Variants in FRAS1 observed in about 807,000 individuals in gnomAD.
The protein encoded by FRAS1 is extracellular matrix organizing protein FRAS1.
FRAS1 carries 290 observed loss-of-function variants against 435.2 expected under a neutral mutation model. The ratio of observed to expected loss-of-function variants is 0.67; its 90% CI spans 0.61 to 0.73. The LOEUF (loss-of-function observed/expected upper bound fraction) is 0.73. Among genes scored for constraint, FRAS1 ranks in the 30% least tolerant of loss-of-function variants. The pLI is 0.00. For missense variants in FRAS1, 4,860 were observed against 5,001.5 expected (o/e 0.97, Z 0.85); for synonymous variants, 1,800 against 1,851.0 (o/e 0.97, Z 0.71).
At position 78,057,838 on chromosome 4, in the gene FRAS1, C is replaced by T; in HGVS notation, c.-172C>T. On this transcript the variant is annotated 5_prime_UTR_variant, in exon 1 of 74. Coordinates refer to ENST00000512123, the MANE Select transcript of FRAS1 (RefSeq NM_025074.7). This position sits in a 1 kb window ranked among gnomAD's most constrained non-coding sequence, Gnocchi z 4.2. ...GAACCCCAGCCCGCTCCGGCGCCTCCGGGCTGATGAGTGTCGCTCTCCGCC... is the reference window on the plus strand; with the variant it reads ...GAACCCCAGCCCGCTCCGGCGCCTCTGGGCTGATGAGTGTCGCTCTCCGCC... The T allele has an allele frequency of 3.3e-6, 2 of 606,444 alleles. No individual in the cohort carries two copies. 37.6% of individuals were successfully genotyped at this position (606,444 alleles called of 1,614,324 possible). A position where few individuals can be genotyped will look rare whatever the true frequency, so the allele number is the denominator to read the frequency against.
chr4:78,181,390 G>A, intron 2 of FRAS1: 4 of 1,611,884 alleles, frequency 2.5e-6, no homozygotes, highest in South Asian at 1.1e-5. Flanking sequence ...TGTGAGATCC[G>A]CTACCTCCAC....
chr4:78,222,849 T>C (rs751612444), intron 2 of FRAS1, among the ~76,000 whole-genome samples: 17 of 152,178 alleles, frequency 1.1e-4, no homozygotes, highest in Admixed American at 2.0e-4. Flanking sequence ...GTCAGCTAAT[T>C]GGATTGGAAA....
intron 2 of FRAS1, among the ~76,000 whole-genome samples, chr4:78,232,477 G>A (rs1010243827): frequency 3.3e-5 from 5 of 152,002 alleles, no homozygotes; most frequent in Non-Finnish European, 5.9e-5. Context: ...AGTAGAGACA[G>A]GGTTTCACCG....
intron 26 of FRAS1, among the ~76,000 whole-genome samples, chr4:78,376,795 A>G (rs1731783876): frequency 6.6e-6 from 1 of 152,122 alleles, no homozygotes; most frequent in Non-Finnish European, 1.5e-5. Flanking sequence ...GTTCAAGACC[A>G]GCCTGGTCAA....
chr4:78,377,108 A>AT (rs369857582), intron 26 of FRAS1, among the ~76,000 whole-genome samples: 1 of 152,304 alleles, frequency 6.6e-6, no homozygotes, highest in Non-Finnish European at 1.5e-5. Flanking sequence ...TTCAGTCTTA[A>AT]TTTTGAATCC....
At chr4:78,295,681 G>A (rs1002672662) in intron 14 of FRAS1, among the ~76,000 whole-genome samples, 5 of 150,788 alleles carry the variant, frequency 3.3e-5, no homozygotes, top group African/African-American at 9.8e-5. Flanking sequence ...ACACTAATGT[G>A]ATTTAGTGTG....
intron 2 of FRAS1, among the ~76,000 whole-genome samples, chr4:78,186,595 C>T (rs1417368631): frequency 6.6e-6 from 1 of 152,154 alleles, no homozygotes; most frequent in Non-Finnish European, 1.5e-5. Context: ...TAAAGCTTGT[C>T]ACCCAGACCA....
intron 2 of FRAS1, among the ~76,000 whole-genome samples, chr4:78,104,456 A>T (rs1041195871): frequency 7.9e-5 from 12 of 152,240 alleles, no homozygotes; most frequent in Non-Finnish European, 1.8e-4. Context: ...CTACTGGGGC[A>T]CATACACTGA....
intron 2 of FRAS1, among the ~76,000 whole-genome samples, chr4:78,211,898 C>T (rs374414353): frequency 3.0e-4 from 46 of 152,274 alleles, no homozygotes; most frequent in African/African-American, 1.0e-3. Context: ...TCTACTTTCT[C>T]TCTCTCAAAG....
chr4:78,193,654 C>A (rs1473749388), intron 2 of FRAS1, among the ~76,000 whole-genome samples: 2 of 152,098 alleles, frequency 1.3e-5, no homozygotes, highest in Non-Finnish European at 2.9e-5. Context: ...TTATTTTGAG[C>A]CTATGTGTGT....
At chr4:78,519,593 A>T (rs10518200) in intron 67 of FRAS1, 112 bp downstream of exon 67, 221,161 of 1,264,390 alleles carry the variant, frequency 0.17, 22,088 homozygotes, top group Non-Finnish European at 0.21. Context: ...TGTTATCCCG[A>T]AGACAAAGTG....
chr4:78,497,528 A>G (rs1372071309), intron 60 of FRAS1, among the ~76,000 whole-genome samples: 1 of 152,226 alleles, frequency 6.6e-6, no homozygotes, highest in Non-Finnish European at 1.5e-5. Context: ...ATAGATAATA[A>G]TGTTACAAAT....
intron 69 of FRAS1, among the ~76,000 whole-genome samples, chr4:78,526,010 G>T (rs1487546614): frequency 6.6e-6 from 1 of 152,228 alleles, no homozygotes; most frequent in Non-Finnish European, 1.5e-5. Context: ...CGGGTGCAGG[G>T]ACTTTCTGCA....
chr4:78,267,499 G>A, intron 9 of FRAS1, 67 bp downstream of exon 9: 3 of 1,459,352 alleles, frequency 2.1e-6, no homozygotes, highest in Non-Finnish European at 9.4e-7. Context: ...GAGGGGTCCT[G>A]CCTGTTCTTT....
intron 17 of FRAS1, among the ~76,000 whole-genome samples, chr4:78,318,148 A>G (rs984941745): frequency 2.0e-5 from 3 of 152,232 alleles, no homozygotes; most frequent in African/African-American, 7.2e-5. Flanking sequence ...AATGTATTTG[A>G]AACAGGAAAG....
At chr4:78,067,948 G>A (rs115841276) in intron 2 of FRAS1, among the ~76,000 whole-genome samples, 6,394 of 150,810 alleles carry the variant, frequency 0.042, 173 homozygotes, top group East Asian at 0.12. Context: ...AAAGTGCTGG[G>A]ATTACAGGCA....
intron 2 of FRAS1, among the ~76,000 whole-genome samples, chr4:78,087,729 G>A (rs997911611): frequency 2.0e-5 from 3 of 152,108 alleles, no homozygotes; most frequent in Non-Finnish European, 4.4e-5. Context: ...GGGCGCGAAG[G>A]ACCTCTTCAA....
chr4:78,061,430 G>C (rs182899202), intron 1 of FRAS1, among the ~76,000 whole-genome samples: 78 of 152,250 alleles, frequency 5.1e-4, no homozygotes, highest in African/African-American at 1.6e-3. Context: ...TTGGGATAGG[G>C]AAACATCATT....
intron 58 of FRAS1, among the ~76,000 whole-genome samples, chr4:78,486,462 A>G (rs765422852): frequency 5.3e-5 from 8 of 152,210 alleles, no homozygotes; most frequent in Non-Finnish European, 7.3e-5. Flanking sequence ...GTTATACCCA[A>G]TGTGAGCCCA....
Sources: gnomAD v4.1 joint callset for allele counts (sites outside exome capture counted in the v4.1 genomes callset) on GRCh38, gnomAD v4.1.1 for gene constraint, Gnocchi (gnomAD v3.1) non-coding constraint, MANE v1.5 for transcripts, NCBI Gene and HGNC (gene_info 2026-07-23, HGNC 2026-07-21) for gene names.